The following SLC22A9 variants were observed in gnomAD, a reference collection of about 807,000 sequenced individuals.
SLC22A9 encodes organic anion transporter 7.
In SLC22A9, 64 loss-of-function variants were observed where a neutral mutation model predicts 50.1. That is an observed-to-expected ratio of 1.28 (90% CI 1.04 to 1.57). The LOEUF (loss-of-function observed/expected upper bound fraction) is 1.57, where lower values mean the gene tolerates loss of function less well. SLC22A9 is among the 40% of genes most tolerant of loss of function. SLC22A9 has a pLI of 0.00. For missense variants in SLC22A9, 757 were observed against 676.1 expected, an observed-to-expected ratio of 1.12 and a Z score of -1.33; for synonymous variants, 261 against 242.5, an observed-to-expected ratio of 1.08 and a Z score of -0.71.
chr11:63,396,139 G>A (rs900873523), intron 6 of SLC22A9, among the ~76,000 whole-genome samples: 1 of 152,138 alleles, frequency 6.6e-6, no homozygotes, highest in Admixed American at 6.6e-5. Context: ...CCTCCCAGCT[G>A]CAAGAGAAAA....
chr11:63,401,969 T>G (rs1347417315), intron 6 of SLC22A9, among the ~76,000 whole-genome samples: 1 of 152,150 alleles, frequency 6.6e-6, no homozygotes, highest in Non-Finnish European at 1.5e-5. Context: ...TTGTTTGTTT[T>G]ATTGTTGCTT....
intron 6 of SLC22A9, among the ~76,000 whole-genome samples, chr11:63,394,675 C>A (rs1311756301): frequency 6.6e-6 from 1 of 152,134 alleles, no homozygotes; most frequent in African/African-American, 2.4e-5. Flanking sequence ...TTTGTCTTAA[C>A]TTTAGATAAC....
At chr11:63,387,561 A>G (rs1228603091) in intron 6 of SLC22A9, among the ~76,000 whole-genome samples, 1 of 152,126 alleles carries the variant, frequency 6.6e-6, no homozygotes, top group Non-Finnish European at 1.5e-5. Context: ...ATAGCTCTGT[A>G]GTATAATTTG....
chr11:63,381,956 A>G (rs935765158), intron 5 of SLC22A9, among the ~76,000 whole-genome samples: 3 of 152,078 alleles, frequency 2.0e-5, no homozygotes, highest in African/African-American at 7.2e-5. Flanking sequence ...TATCCTTGAA[A>G]CATAATTTCC....
At chr11:63,386,830 GT>G (rs1232683679) in intron 6 of SLC22A9, among the ~76,000 whole-genome samples, 5 of 150,852 alleles carry the variant, frequency 3.3e-5, no homozygotes, top group South Asian at 4.2e-4. Flanking sequence ...TGATGATTTT[GT>G]TTTTTTGTTT....
At chr11:63,400,851 A>G (rs2119997221) in intron 6 of SLC22A9, among the ~76,000 whole-genome samples, 1 of 152,286 alleles carries the variant, frequency 6.6e-6, no homozygotes, top group East Asian at 1.9e-4. Context: ...GGTTCTGCAT[A>G]GGCAAGTCAA....
intron 6 of SLC22A9, among the ~76,000 whole-genome samples, chr11:63,390,298 T>TA (rs2014740911): frequency 6.6e-6 from 1 of 152,222 alleles, no homozygotes; most frequent in Admixed American, 6.5e-5. Flanking sequence ...CTAGGGTTTT[T>TA]ATGGTTTTTG....
chr11:63,406,633 A>C lies in SLC22A9; in HGVS notation c.1210A>C (p.Met404Leu), dbSNP rs776750564. The change falls in exon 7 of 10, where the codon ATG becomes CTG. Residue 404 changes from methionine (M) to leucine (L), a missense_variant. Transcript: ENST00000279178. ...TGTTGCACCTTGGGCACTGAAATAC[A>C]TGAACCGTCGAGCAAGCCAGATGCT... ...NCVAPWALKY[M>L]NRRASQMLLM... is the part of the protein sequence containing the mutation. 6.2e-7 allele frequency: 1 copy of C among 1,613,824 alleles called. No homozygotes were observed.
chr11:63,375,664 C>A lies in SLC22A9; in HGVS notation c.850C>A (p.Arg284=), dbSNP rs769269694. ...GGTCAGTTGGCTGCTAGAGTCTGCT[C>A]GGTGGCTCATTATCAACAATAAACC... is the stretch of plus-strand genomic sequence containing the variant. ...LTSSWLLESA[R]WLIINNKPEE... The change falls in exon 5 of 10, where the codon CGG becomes AGG. Residue 284 remains arginine, a synonymous_variant. Coordinates refer to ENST00000279178, the MANE Select transcript of SLC22A9 (RefSeq NM_080866.3). 6.2e-6 allele frequency: 10 copies of A among 1,612,244 alleles called. No individual in the cohort carries two copies. Among genetic ancestry groups the A allele is most frequent in the Non-Finnish European group, 8.5e-6 (10 of 1,178,924 alleles).
At chr11:63,400,728 G>A (rs2014938714) in intron 6 of SLC22A9, among the ~76,000 whole-genome samples, 1 of 151,954 alleles carries the variant, frequency 6.6e-6, no homozygotes, top group South Asian at 2.1e-4. Context: ...AAACATCACT[G>A]ATGAACATAG....
intron 6 of SLC22A9, among the ~76,000 whole-genome samples, chr11:63,383,326 A>T (rs906090988): frequency 2.6e-5 from 4 of 151,964 alleles, no homozygotes; most frequent in Non-Finnish European, 5.9e-5. Context: ...AAAACATGAT[A>T]AAAAAAATCT....
chr11:63,373,880 G>C lies in SLC22A9; in HGVS notation c.662-14G>C, dbSNP rs1565181188. On this transcript the variant is annotated splice_polypyrimidine_tract_variant and intron_variant, in intron 3 of 9. Transcript: ENST00000279178. ...CACCTTTGAAGTCAAAGCCTTATCT[G>C]TTTTTTCTTCCAGTAGCCGAGTGGG... is the stretch of plus-strand genomic sequence containing the variant. 6.2e-7 allele frequency: 1 copy of C among 1,611,622 alleles called. No homozygotes were observed. Among genetic ancestry groups the C allele is most frequent in the South Asian group, 1.1e-5 (1 of 90,668 alleles).
chr11:63,403,760 C>A (rs76904757), intron 6 of SLC22A9, among the ~76,000 whole-genome samples: 6 of 151,436 alleles, frequency 4.0e-5, no homozygotes, highest in Non-Finnish European at 8.8e-5. Flanking sequence ...GGATTAAACA[C>A]GTAAAAAATG....
chr11:63,382,131 C>T (rs1305461453), intron 5 of SLC22A9, 28 bp from the exon 6 acceptor site: 1 of 1,563,360 alleles, frequency 6.4e-7, no homozygotes, highest in African/African-American at 1.4e-5. Context: ...GACAACTGTA[C>T]AGTTTATTGT....
chr11:63,404,701 T>G (rs2015007294), intron 6 of SLC22A9, among the ~76,000 whole-genome samples: 1 of 152,190 alleles, frequency 6.6e-6, no homozygotes, highest in Non-Finnish European at 1.5e-5. Context: ...CCTAGTTGTT[T>G]GACCCTTGAC....
intron 6 of SLC22A9, among the ~76,000 whole-genome samples, chr11:63,404,716 G>C (rs1324996088): frequency 6.6e-6 from 1 of 152,056 alleles, no homozygotes; most frequent in African/African-American, 2.4e-5. Context: ...CTTGACCAGG[G>C]GAACCTTCAC....
intron 6 of SLC22A9, among the ~76,000 whole-genome samples, chr11:63,397,100 G>A (rs1336806017): frequency 4.6e-5 from 7 of 152,166 alleles, no homozygotes; most frequent in Non-Finnish European, 7.3e-5. Flanking sequence ...GGACCCCAAG[G>A]CCAGTAATGC....
At chr11:63,397,816 C>T (rs1199341565) in intron 6 of SLC22A9, among the ~76,000 whole-genome samples, 1 of 152,158 alleles carries the variant, frequency 6.6e-6, no homozygotes, top group African/African-American at 2.4e-5. Context: ...TCCCAAACTG[C>T]CATCCAAGAG....
chr11:63,408,720 G>A lies in SLC22A9; in HGVS notation c.1442G>A (p.Gly481Glu), dbSNP rs373675567. The change falls in exon 9 of 10, where the codon GGA becomes GAA. Residue 481 changes from glycine to glutamate, a missense_variant. Physicochemically the swap from Gly to Glu is moderately conservative, Grantham distance 98. Coordinates refer to ENST00000279178, the MANE Select transcript of SLC22A9 (RefSeq NM_080866.3). ...GINATFANIA[G>E]ALAPLMMILS... ...AATGCAACCTTTGCTAATATAGCAGGAGCCCTGGCTCCCCTCATGATGATC... is the reference window on the plus strand; with the variant it reads ...AATGCAACCTTTGCTAATATAGCAGAAGCCCTGGCTCCCCTCATGATGATC... 330 of 1,613,952 alleles carry A rather than the reference G, an allele frequency of 2.0e-4. 6 individuals carry two copies. In the South Asian group the frequency reaches 3.4e-3, roughly 17 times the overall value.
Sources: gnomAD v4.1 joint callset for allele counts (sites outside exome capture counted in the v4.1 genomes callset) on GRCh38, gnomAD v4.1.1 for gene constraint, MANE v1.5 for transcripts, NCBI Gene and HGNC (gene_info 2026-07-23, HGNC 2026-07-21) for gene names.